Variants in PDK4 observed in about 807,000 individuals in gnomAD.
The protein encoded by PDK4 is pyruvate dehydrogenase kinase 4, also known as pyruvate dehydrogenase kinase, isozyme 4.
In PDK4, 43 loss-of-function variants were observed where a neutral mutation model predicts 51.7. The ratio of observed to expected loss-of-function variants is 0.83; its 90% CI spans 0.65 to 1.07. The LOEUF is 1.07. Among genes scored for constraint, PDK4 ranks in the 50% least tolerant of loss-of-function variants. The probability of loss-of-function intolerance (pLI) is 0.00; values close to 1 mark genes in which losing one functional copy is unlikely to be tolerated. For synonymous variants in PDK4, 170 were observed against 176.6 expected (o/e 0.96, Z 0.30); for missense variants, 498 against 503.5 (o/e 0.99, Z 0.10).
intron 7 of PDK4, among the ~76,000 whole-genome samples, chr7:95,588,758 T>A (rs1159735475): frequency 2.0e-5 from 3 of 152,188 alleles, no homozygotes; most frequent in African/African-American, 7.2e-5. Flanking sequence ...AAGCTTAAGG[T>A]GTTTTTCTAT....
rs745442156 is a variant in PDK4, at chr7:95,589,699, G to C, written c.712C>G (p.Pro238Ala). 2 of 1,581,850 alleles carry C rather than the reference G, an allele frequency of 1.3e-6. No individual in the cohort carries two copies. The highest frequency in any genetic ancestry group is 1.1e-5 in the South Asian group (1 of 89,954). Residue 238 changes from proline to alanine, a missense_variant, in exon 7 of 11, where the codon CCA (proline) becomes GCA (alanine). Transcript: ENST00000005178. ...TQVNGKFPDQ[P>A]IHIVYVPSHL... is the part of the protein sequence containing the mutation. ...GAAGGAACATACACGATGTGAATTGGTTGGTCTGGAAATTTTCCTAGAAAA... is the reference window on the plus strand; with the variant it reads ...GAAGGAACATACACGATGTGAATTGCTTGGTCTGGAAATTTTCCTAGAAAA...
intron 6 of PDK4, among the ~76,000 whole-genome samples, chr7:95,591,376 T>G (rs529229731): frequency 7.2e-5 from 11 of 152,338 alleles, no homozygotes; most frequent in African/African-American, 2.6e-4. Flanking sequence ...TACAATATCC[T>G]TAACTATAAG....
Position 95,596,255 on chromosome 7 carries a change from C to A in PDK4, c.39G>T (p.Ser13=), listed in dbSNP as rs553708511. ...GGGGCACCAGGCCGGCGCCGTTGAG[C>A]GAGCCAGCGCTGCGCAGCACGAAGC... ...AARFVLRSAG[S]LNGAGLVPRE... is the part of the protein sequence containing the mutation. Residue 13 remains serine (S), a synonymous_variant, in exon 1 of 11, where the codon TCG becomes TCT. Coordinates refer to ENST00000005178, the MANE Select transcript of PDK4 (RefSeq NM_002612.4). 8.2e-6 allele frequency: 13 copies of A among 1,591,020 alleles called. No individual in the cohort carries two copies. The East Asian group carries it at 9.3e-5, about 11-fold the overall frequency.
chr7:95,596,329 G>A lies in PDK4; in HGVS notation c.-36C>T. On this transcript the variant is annotated 5_prime_UTR_variant, in exon 1 of 11. Coordinates refer to ENST00000005178, the MANE Select transcript of PDK4 (RefSeq NM_002612.4). ...ACCCGGCCTGGCGGGGACTGTGGCT[G>A]GCTTGAGGGGCGAAGGCTGCTCGGA... 1 of 1,545,030 alleles carries A rather than the reference G, an allele frequency of 6.5e-7. No individual in the cohort carries two copies. The highest frequency in any genetic ancestry group is 8.7e-7 in the Non-Finnish European group (1 of 1,147,462).
At position 95,596,403 on chromosome 7, in the gene PDK4, G is replaced by T; in HGVS notation, c.-110C>A. ...GCGGCGCGTCCGGGCGAGGACTGCA[G>T]GTGCGCTGGCTGGCTTGTGCGCCCC... is the stretch of plus-strand genomic sequence containing the variant. On this transcript the variant is annotated 5_prime_UTR_variant, in exon 1 of 11. The change creates a new upstream start codon in the 5' untranslated region. Coordinates refer to ENST00000005178, the MANE Select transcript of PDK4 (RefSeq NM_002612.4). The T allele has an allele frequency of 7.8e-7, 1 of 1,274,042 alleles. No homozygotes were observed. Among genetic ancestry groups the T allele is most frequent in the Non-Finnish European group, 1.0e-6 (1 of 967,258 alleles). 78.9% of individuals were successfully genotyped at this position (1,274,042 alleles called of 1,614,324 possible).
chr7:95,588,790 G>T (rs894324931), intron 7 of PDK4, among the ~76,000 whole-genome samples: 4 of 152,152 alleles, frequency 2.6e-5, no homozygotes, highest in African/African-American at 9.7e-5. Flanking sequence ...AGTTCAATTT[G>T]ATCTTAATTT....
In PDK4 at chr7:95,593,750, T is replaced by G; in HGVS notation, c.293A>C (p.Asp98Ala). 1 of 1,559,096 alleles carries G rather than the reference T, an allele frequency of 6.4e-7. No homozygotes were observed. The highest frequency in any genetic ancestry group is 1.1e-5 in the South Asian group (1 of 89,866). Residue 98 changes from aspartate to alanine, a missense_variant, in exon 3 of 11, where the codon GAT becomes GCT. Asp to Ala is a moderately radical substitution (Grantham distance 126, BLOSUM62 -2). Transcript: ENST00000005178. ...GCTTTTCTCATGGAATTCCACCAAATCCATCAGGCTCTGTATATACCTGTA... is the reference window on the plus strand; with the variant it reads ...GCTTTTCTCATGGAATTCCACCAAAGCCATCAGGCTCTGTATATACCTGTA... ...VKSWYIQSLMDLVEFHEKSPD... is the reference protein window; with the variant it reads ...VKSWYIQSLMALVEFHEKSPD...
chr7:95,594,354 T>C (rs1354622787), intron 2 of PDK4, among the ~76,000 whole-genome samples: 3 of 152,164 alleles, frequency 2.0e-5, no homozygotes, highest in Admixed American at 6.6e-5. Flanking sequence ...AGCATCAGTA[T>C]CTTCATTTAT....
chr7:95,595,894 G>T (rs1416896447), intron 1 of PDK4, among the ~76,000 whole-genome samples: 1 of 152,176 alleles, frequency 6.6e-6, no homozygotes, highest in Admixed American at 6.5e-5. Context: ...ATTTTGACTG[G>T]AAGAGCGGGT....
chr7:95,592,306 A>G (rs951469079), intron 5 of PDK4, among the ~76,000 whole-genome samples: 1 of 152,158 alleles, frequency 6.6e-6, no homozygotes, highest in Non-Finnish European at 1.5e-5. Context: ...CATGTTAGTC[A>G]CTTATATTTG....
rs1791557674 is a variant in PDK4, at chr7:95,591,977, T to C, written c.694+11A>G. 7.6e-7 allele frequency: 1 copy of C among 1,323,546 alleles called. No homozygotes were observed. 82.0% of individuals were successfully genotyped at this position (1,323,546 alleles called of 1,614,324 possible). On this transcript the variant is annotated intron_variant, in intron 6 of 10. Transcript: ENST00000005178. Reference sequence around the variant, plus strand: ...TTCCACAGGTTAAAATATATTTTACTTATAACTTACCATTCACTTGTGTAA... The same window carrying C: ...TTCCACAGGTTAAAATATATTTTACCTATAACTTACCATTCACTTGTGTAA...
intron 2 of PDK4, among the ~76,000 whole-genome samples, chr7:95,594,008 A>C (rs1392312071): frequency 6.6e-6 from 1 of 152,194 alleles, no homozygotes; most frequent in Non-Finnish European, 1.5e-5. Context: ...TCAGGTCAGT[A>C]TTCAGTTTCC....
chr7:95,586,479 C>G (rs868819246), intron 10 of PDK4, among the ~76,000 whole-genome samples: 18 of 152,246 alleles, frequency 1.2e-4, no homozygotes, highest in Middle Eastern at 6.8e-3. Context: ...AAGCGTGAGC[C>G]ACTGTGCCCA....
At chr7:95,593,422 C>T (rs908480450) in intron 3 of PDK4, among the ~76,000 whole-genome samples, 2 of 152,066 alleles carry the variant, frequency 1.3e-5, no homozygotes, top group African/African-American at 4.8e-5. Context: ...ATGGTAAATC[C>T]TCCTACACAT....
At position 95,587,813 on chromosome 7, in the gene PDK4, C is replaced by T. The variant is rs775354659; in HGVS notation, c.784G>A (p.Ala262Thr). The change falls in exon 8 of 11, where the codon GCA becomes ACA. Residue 262 changes from alanine to threonine, a missense_variant. Transcript: ENST00000005178. ...LFELFKNAMR[A>T]TVEHQENQPS... ...TGATTTTCCTGGTGTTCAACTGTTG[C>T]CCGCATTGCATTCTAAAACAAAGCA... 1 of 1,610,086 alleles carries T rather than the reference C, an allele frequency of 6.2e-7. No homozygotes were observed. The highest frequency in any genetic ancestry group is 8.5e-7 in the Non-Finnish European group (1 of 1,176,434).
rs572089053 is a variant in PDK4 at position 95,596,457 on chromosome 7, G to T, written c.-164C>A. On this transcript the variant is annotated 5_prime_UTR_variant, in exon 1 of 11. Coordinates refer to ENST00000005178, the MANE Select transcript of PDK4 (RefSeq NM_002612.4). The stretch of plus-strand genomic sequence containing the variant: ...CTGGGCTGGGGTTTGAGGGTGCCGC[G>T]GAGTGAAGAGTCTGGGCAGAGTCGG... 1 of 649,472 alleles carries T rather than the reference G, an allele frequency of 1.5e-6. No homozygotes were observed. The highest frequency in any genetic ancestry group is 2.4e-6 in the Non-Finnish European group (1 of 423,510). The allele number at this position is 649,472 out of a possible 1,614,324, so 40.2% of individuals were successfully genotyped here.
At chr7:95,593,111 CTAGAG>C (rs898563340) in intron 3 of PDK4, among the ~76,000 whole-genome samples, 167 bp from the exon 4 acceptor site, 5 of 152,074 alleles carry the variant, frequency 3.3e-5, no homozygotes, top group South Asian at 2.1e-4. Context: ...GATTCTTCCA[CTAGAG>C]TAGAGGAGAT....
intron 7 of PDK4, among the ~76,000 whole-genome samples, chr7:95,588,412 C>A (rs1463698444): frequency 1.3e-5 from 2 of 152,146 alleles, no homozygotes; most frequent in Non-Finnish European, 2.9e-5. Flanking sequence ...AAAAAGTATC[C>A]TTTGTCCTTT....
intron 6 of PDK4, among the ~76,000 whole-genome samples, chr7:95,589,939 T>G (rs1273479063): frequency 1.4e-5 from 2 of 148,120 alleles, no homozygotes; most frequent in Admixed American, 6.8e-5. Context: ...TTGTTAATTG[T>G]TTTTTTTTTG....
Sources: gnomAD v4.1 joint callset for allele counts (sites outside exome capture counted in the v4.1 genomes callset) on GRCh38, gnomAD v4.1.1 for gene constraint, MANE v1.5 for transcripts, NCBI Gene and HGNC (gene_info 2026-07-23, HGNC 2026-07-21) for gene names.